ROBO2: variants seen among roughly 807,000 people sequenced by gnomAD.
The protein encoded by ROBO2 is roundabout guidance receptor 2, also known as roundabout homolog 2.
A neutral mutation model predicts 160.8 loss-of-function variants in ROBO2; 53 were observed. That is an observed-to-expected ratio of 0.33 (90% CI 0.26 to 0.41). The LOEUF is 0.41. Among genes scored for constraint, ROBO2 ranks in the 10% least tolerant of loss-of-function variants. ROBO2 has a pLI of 1.00. For synonymous variants in ROBO2, 664 were observed against 611.7 expected (o/e 1.09, Z -1.26); for missense variants, 1,577 against 1,722.4 (o/e 0.92, Z 1.49).
At chr3:76,584,656 A>G (rs2085920234) in intron 2 of ROBO2, among the ~76,000 whole-genome samples, 1 of 152,190 alleles carries the variant, frequency 6.6e-6, no homozygotes, top group South Asian at 2.1e-4. Flanking sequence ...CAGAATTTAT[A>G]GACAGTAAAT....
intron 1 of ROBO2, among the ~76,000 whole-genome samples, chr3:77,087,537 A>G (rs1368976334): frequency 1.3e-5 from 2 of 152,162 alleles, no homozygotes; most frequent in Non-Finnish European, 2.9e-5. Context: ...TATCCAGGTT[A>G]ATACATTGGC....
intron 2 of ROBO2, among the ~76,000 whole-genome samples, chr3:76,616,599 T>C (rs994689910): frequency 2.0e-5 from 3 of 152,230 alleles, no homozygotes; most frequent in African/African-American, 7.2e-5. Flanking sequence ...CAAAGGCAAC[T>C]AATTAGAGTG....
chr3:76,555,994 C>T (rs771045766), intron 2 of ROBO2, among the ~76,000 whole-genome samples: 17 of 151,794 alleles, frequency 1.1e-4, no homozygotes, highest in African/African-American at 1.9e-4. Flanking sequence ...GGCAGGCTGA[C>T]GCAGGAGAAT....
exon 25 of ROBO2, chr3:77,644,839 C>T (rs761197885): frequency 8.1e-6 from 13 of 1,613,978 alleles, no homozygotes; most frequent in Non-Finnish European, 9.3e-6. Context: ...CAGCGCAATG[C>T]CAGCGACCTT....
intron 2 of ROBO2, among the ~76,000 whole-genome samples, chr3:77,373,929 T>C (rs914800585): frequency 1.5e-4 from 23 of 150,040 alleles, no homozygotes; most frequent in African/African-American, 5.6e-4. Context: ...CCTAGCACTT[T>C]GGGAGGGAGA....
At chr3:77,499,306 T>C (rs1018404898) in intron 5 of ROBO2, among the ~76,000 whole-genome samples, 1 of 152,224 alleles carries the variant, frequency 6.6e-6, no homozygotes, top group Non-Finnish European at 1.5e-5. Context: ...CCTGAAAATA[T>C]GGCCCAGCAA....
intron 2 of ROBO2, among the ~76,000 whole-genome samples, chr3:76,522,110 G>A (rs898360768): frequency 1.3e-5 from 2 of 152,098 alleles, no homozygotes; most frequent in Non-Finnish European, 2.9e-5. Flanking sequence ...TTTGCATTGT[G>A]GGCGGTATGC....
chr3:77,313,225 TTTCC>T (rs1425517901), intron 2 of ROBO2, among the ~76,000 whole-genome samples: 1 of 152,152 alleles, frequency 6.6e-6, no homozygotes, highest in Non-Finnish European at 1.5e-5. Context: ...TTCAGTGGTT[TTTCC>T]ATTTAATTTT....
chr3:77,191,920 A>G (rs537913682), intron 2 of ROBO2, among the ~76,000 whole-genome samples: 5 of 152,320 alleles, frequency 3.3e-5, no homozygotes, highest in African/African-American at 9.6e-5. Flanking sequence ...GATAAACATT[A>G]TAAATAACAC....
intron 4 of ROBO2, among the ~76,000 whole-genome samples, chr3:77,482,567 C>T (rs560540417): frequency 6.6e-6 from 1 of 152,178 alleles, no homozygotes; most frequent in African/African-American, 2.4e-5. Context: ...AGGAGAAATC[C>T]CATAATTTGT....
At chr3:76,798,259 GGAAA>G (rs71104619) in intron 2 of ROBO2, among the ~76,000 whole-genome samples, 5,759 of 94,202 alleles carry the variant, frequency 0.061, 165 homozygotes, top group Middle Eastern at 0.1. Flanking sequence ...AAAGAAAGAA[GGAAA>G]GAAAGAAAGA....
At chr3:76,198,866 T>G (rs532979709) in intron 2 of ROBO2, among the ~76,000 whole-genome samples, 1 of 152,222 alleles carries the variant, frequency 6.6e-6, no homozygotes, top group South Asian at 2.1e-4. Flanking sequence ...TGTCCCACAT[T>G]TCCAAACCAA....
At chr3:76,271,092 A>C (rs1707405855) in intron 2 of ROBO2, among the ~76,000 whole-genome samples, 1 of 152,072 alleles carries the variant, frequency 6.6e-6, no homozygotes, top group South Asian at 2.1e-4. Flanking sequence ...TCAATCGGAA[A>C]GATGTTTTTA....
chr3:76,437,418 A>G (rs1197463176), intron 2 of ROBO2, among the ~76,000 whole-genome samples: 1 of 152,174 alleles, frequency 6.6e-6, no homozygotes, highest in Non-Finnish European at 1.5e-5. Context: ...AAGGAAAGAA[A>G]ATCAACAGAT....
intron 4 of ROBO2, among the ~76,000 whole-genome samples, chr3:77,483,291 C>G (rs2084926239): frequency 6.6e-6 from 1 of 151,804 alleles, no homozygotes; most frequent in South Asian, 2.1e-4. Context: ...AGTGATGGTC[C>G]AAATCAAGGA....
chr3:76,354,629 A>G (rs2108316916), intron 2 of ROBO2, among the ~76,000 whole-genome samples: 1 of 151,930 alleles, frequency 6.6e-6, no homozygotes, highest in East Asian at 1.9e-4. Flanking sequence ...ATATCAAGTG[A>G]AAAAAATCAT....
At chr3:76,050,299 A>G (rs2067611130) in intron 2 of ROBO2, among the ~76,000 whole-genome samples, 1 of 152,094 alleles carries the variant, frequency 6.6e-6, no homozygotes, top group African/African-American at 2.4e-5. Flanking sequence ...TCAGACTCTA[A>G]GTTCTTCAGC....
chr3:76,570,762 T>C (rs1292102701), intron 2 of ROBO2, among the ~76,000 whole-genome samples: 1 of 152,172 alleles, frequency 6.6e-6, no homozygotes, highest in African/African-American at 2.4e-5. Flanking sequence ...GTCAAAAATG[T>C]GAATTTTCTG....
intron 2 of ROBO2, among the ~76,000 whole-genome samples, chr3:77,231,163 G>A (rs1259435094): frequency 4.0e-5 from 6 of 151,834 alleles, no homozygotes; most frequent in African/African-American, 9.7e-5. Flanking sequence ...CCAGGAGTTC[G>A]AGACCCACCT....
Sources: allele counts gnomAD v4.1 joint callset (sites outside exome capture counted in the v4.1 genomes callset), GRCh38; gene constraint gnomAD v4.1.1; transcripts MANE v1.5; gene names NCBI Gene and HGNC (gene_info 2026-07-23, HGNC 2026-07-21).